Variants in GALNT2 observed in about 807,000 individuals in gnomAD.
GALNT2 encodes polypeptide N-acetylgalactosaminyltransferase 2, also known as UDP-GalNAc:polypeptide N-acetylgalactosaminyltransferase 2.
In GALNT2, 31 loss-of-function variants were observed where a neutral mutation model predicts 81.4. The ratio of observed to expected loss-of-function variants is 0.38; its 90% CI spans 0.29 to 0.51. The LOEUF is 0.51. Among genes scored for constraint, GALNT2 ranks in the 20% least tolerant of loss-of-function variants. The pLI is 0.87. For synonymous variants in GALNT2, 303 were observed against 287.4 expected, an observed-to-expected ratio of 1.05 and a Z score of -0.55; for missense variants, 629 against 765.7, an observed-to-expected ratio of 0.82 and a Z score of 2.11.
chr1:230,074,744 A>T (rs1659482739), intron 1 of GALNT2, among the ~76,000 whole-genome samples: 1 of 152,152 alleles, frequency 6.6e-6, no homozygotes. Flanking sequence ...CATGGCACTC[A>T]CTGTGCATAG....
chr1:230,190,829 T>C lies in GALNT2; in HGVS notation c.221-12308T>C, dbSNP rs188697261. 2.2e-4 allele frequency among the ~76,000 whole-genome samples: 33 copies of C among 152,306 alleles called. No individual in the cohort carries two copies. The East Asian group carries it at 2.9e-3, about 13-fold the overall frequency. The stretch of plus-strand genomic sequence containing the variant: ...AATGGCAGCAACATCTCGACCGCCA[T>C]CGGCTCATTGAACTTATTTTTTGTT... On this transcript the variant is annotated intron_variant, in intron 2 of 15. Coordinates refer to ENST00000366672, the MANE Select transcript of GALNT2 (RefSeq NM_004481.5).
chr1:230,071,831 C>T (rs1451053909), intron 1 of GALNT2, among the ~76,000 whole-genome samples: 2 of 152,194 alleles, frequency 1.3e-5, no homozygotes, highest in Non-Finnish European at 2.9e-5. Context: ...AATAAAGTTT[C>T]CCAATTCTGG....
At chr1:230,129,560 T>C (rs1661301972) in intron 1 of GALNT2, among the ~76,000 whole-genome samples, 1 of 152,148 alleles carries the variant, frequency 6.6e-6, no homozygotes, top group South Asian at 2.1e-4. Flanking sequence ...CCTCAAGTGA[T>C]CTTCCCCTCT....
chr1:230,090,437 G>A (rs1464203815), intron 1 of GALNT2, among the ~76,000 whole-genome samples: 3 of 152,150 alleles, frequency 2.0e-5, no homozygotes, highest in East Asian at 1.9e-4. Flanking sequence ...TGCAAATGCC[G>A]TGTGAAGGTG....
intron 1 of GALNT2, among the ~76,000 whole-genome samples, chr1:230,095,925 C>T (rs949232167): frequency 9.2e-5 from 14 of 152,208 alleles, no homozygotes; most frequent in Non-Finnish European, 1.6e-4. Context: ...GCCCCAGCCG[C>T]GAGGCACCTG....
At chr1:230,157,129 C>T (rs537125506) in intron 1 of GALNT2, among the ~76,000 whole-genome samples, 1 of 152,272 alleles carries the variant, frequency 6.6e-6, no homozygotes, top group South Asian at 2.1e-4. Flanking sequence ...GGTTCAGATG[C>T]CACTTCAGTT....
chr1:230,190,707 A>G (rs1663495020), intron 2 of GALNT2, among the ~76,000 whole-genome samples: 1 of 152,130 alleles, frequency 6.6e-6, no homozygotes, highest in Admixed American at 6.5e-5. Flanking sequence ...GCTTACAGCT[A>G]GATTTTTACA....
At chr1:230,133,448 T>TC (rs1315195777) in intron 1 of GALNT2, among the ~76,000 whole-genome samples, 26 of 147,102 alleles carry the variant, frequency 1.8e-4, no homozygotes, top group South Asian at 9.4e-4. Flanking sequence ...ATTTCTTTTT[T>TC]CTTTTTTTTT....
At chr1:230,169,900 A>T (rs1662737765) in intron 1 of GALNT2, among the ~76,000 whole-genome samples, 2 of 152,230 alleles carry the variant, frequency 1.3e-5, no homozygotes, top group Non-Finnish European at 2.9e-5. Flanking sequence ...TCATAAACTA[A>T]GTTGGAGCAG....
At chr1:230,184,485 G>A (rs1465965866) in intron 2 of GALNT2, among the ~76,000 whole-genome samples, 2 of 151,664 alleles carry the variant, frequency 1.3e-5, no homozygotes, top group Non-Finnish European at 2.9e-5. Context: ...CACCGCGCCT[G>A]GCCTGAAGAT....
chr1:230,262,515 T>C, intron 11 of GALNT2, 58 bp from the exon 12 acceptor site: 1 of 1,447,238 alleles, frequency 6.9e-7, no homozygotes, highest in Non-Finnish European at 9.7e-7. Context: ...CAGGTGCAAA[T>C]GGAGTGATGC....
chr1:230,063,468 A>C (rs1196899389), upstream of GALNT2, among the ~76,000 whole-genome samples: 1 of 152,112 alleles, frequency 6.6e-6, no homozygotes, highest in Admixed American at 6.5e-5. Flanking sequence ...CATGAGGTAC[A>C]TTTTGTCCTT....
chr1:230,163,983 A>T (rs184579938), intron 1 of GALNT2, among the ~76,000 whole-genome samples: 66 of 152,172 alleles, frequency 4.3e-4, no homozygotes, highest in African/African-American at 1.5e-3. Context: ...GTGACACTGG[A>T]TACACTGCCT....
At chr1:230,202,203 A>G (rs1199864988) in intron 2 of GALNT2, among the ~76,000 whole-genome samples, 2 of 152,120 alleles carry the variant, frequency 1.3e-5, no homozygotes, top group South Asian at 2.1e-4. Context: ...ACACAGAATC[A>G]TAAATGTTCT....
chr1:230,100,474 T>A (rs999258838), intron 1 of GALNT2, among the ~76,000 whole-genome samples: 1 of 152,060 alleles, frequency 6.6e-6, no homozygotes, highest in African/African-American at 2.4e-5. Context: ...TACAGGCACC[T>A]GCCACCACAC....
intron 3 of GALNT2, among the ~76,000 whole-genome samples, chr1:230,206,883 A>C (rs1052349943): frequency 2.0e-5 from 3 of 152,082 alleles, no homozygotes; most frequent in Non-Finnish European, 2.9e-5. Context: ...AAGATTAAGC[A>C]ACATGTTTAC....
At chr1:230,107,900 C>T (rs988132933) in intron 1 of GALNT2, among the ~76,000 whole-genome samples, 2 of 152,184 alleles carry the variant, frequency 1.3e-5, no homozygotes, top group Admixed American at 1.3e-4. Context: ...GAATCCTAGG[C>T]CACCTTGCCT....
intron 8 of GALNT2, among the ~76,000 whole-genome samples, chr1:230,247,669 T>A (rs1225286129): frequency 1.3e-5 from 2 of 152,150 alleles, no homozygotes; most frequent in African/African-American, 4.8e-5. Context: ...AGCAGCTGCG[T>A]ATGTCAGAGC....
chr1:230,078,486 A>G (rs1659629871), intron 1 of GALNT2, among the ~76,000 whole-genome samples: 5 of 152,370 alleles, frequency 3.3e-5, no homozygotes, highest in African/African-American at 4.8e-5. Flanking sequence ...TTGTGATCGT[A>G]TTAGTCCAGA....
Sources: gnomAD v4.1 joint callset for allele counts (sites outside exome capture counted in the v4.1 genomes callset) on GRCh38, gnomAD v4.1.1 for gene constraint, MANE v1.5 for transcripts, NCBI Gene and HGNC (gene_info 2026-07-23, HGNC 2026-07-21) for gene names.